The following ARMC6 variants were observed in gnomAD, a reference collection of about 807,000 sequenced individuals.
ARMC6 encodes armadillo repeat-containing protein 6.
Under a neutral mutation model 49.2 loss-of-function variants are expected in ARMC6, and 43 were observed. That is an observed-to-expected ratio of 0.87 (90% CI 0.69 to 1.13). ARMC6 has a LOEUF of 1.13. Among genes scored for constraint, ARMC6 ranks in the 50% most tolerant of loss-of-function variants. The pLI, the probability that ARMC6 is intolerant of heterozygous loss-of-function variation, is 0.00. For missense variants in ARMC6, 627 were observed against 682.0 expected, an observed-to-expected ratio of 0.92 and a Z score of 0.90; for synonymous variants, 262 against 289.6, an observed-to-expected ratio of 0.90 and a Z score of 0.97.
intron 4 of ARMC6, among the ~76,000 whole-genome samples, chr19:19,046,923 A>G (rs970036684): frequency 2.4e-5 from 1 of 42,246 alleles, no homozygotes; most frequent in Non-Finnish European, 4.2e-5. Flanking sequence ...CAACATGCTC[A>G]CCTGTTTTTT....
At chr19:19,057,165 A>C (rs1287182463) in intron 8 of ARMC6, among the ~76,000 whole-genome samples, 1 of 152,224 alleles carries the variant, frequency 6.6e-6, no homozygotes, top group African/African-American at 2.4e-5. Flanking sequence ...TGAGGCTGAG[A>C]GTTCCAAAGC....
rs929261669 is a variant in ARMC6 at position 19,055,990 on chromosome 19, A to G, written c.1293+62A>G. On this transcript the variant is annotated intron_variant, in intron 8 of 8. Coordinates refer to ENST00000535612, the MANE Select transcript of ARMC6 (RefSeq NM_001199196.2). This position sits in a 1 kb window ranked among gnomAD's most constrained non-coding sequence, Gnocchi z 5.7. ...GTGGGATGTGCAGGTAGGTGCAGAG[A>G]GGGCATGGGAGCAGGTGCGGTGTGC... is the stretch of plus-strand genomic sequence containing the variant. The G allele has an allele frequency of 2.6e-6, 4 of 1,541,612 alleles. No homozygotes were observed. The highest frequency in any genetic ancestry group is 3.5e-6 in the Non-Finnish European group (4 of 1,144,378).
chr19:19,042,951 G>A (rs564831221), intron 3 of ARMC6, 74 bp downstream of exon 3: 72 of 1,557,912 alleles, frequency 4.6e-5, no homozygotes, highest in South Asian at 2.8e-4. Context: ...CTGCTGCCCC[G>A]CCCCACTGGG....
At chr19:19,037,727 TA>T (rs992695943) in intron 2 of ARMC6, 2 of 1,121,232 alleles carry the variant, frequency 1.8e-6, no homozygotes, top group Admixed American at 4.6e-5. Context: ...TTGAAACAAT[TA>T]AAATTTAAAA....
intron 8 of ARMC6, 80 bp from the exon 9 acceptor site, chr19:19,057,336 G>T: frequency 8.2e-7 from 1 of 1,220,822 alleles, no homozygotes; most frequent in Non-Finnish European, 1.2e-6. Context: ...CCTCCATCTT[G>T]TTATGATGAA....
intron 2 of ARMC6, among the ~76,000 whole-genome samples, chr19:19,041,069 A>G (rs1365205562): frequency 6.6e-6 from 1 of 152,056 alleles, no homozygotes; most frequent in Admixed American, 6.6e-5. Flanking sequence ...CCTGGCCTCA[A>G]GCCATCTTCC....
In ARMC6 at chr19:19,057,711, C is replaced by T. The variant is rs1365030230; in HGVS notation, c.*83C>T. The T allele has an allele frequency of 7.3e-7, 1 of 1,364,008 alleles. No individual in the cohort carries two copies. Among genetic ancestry groups the T allele is most frequent in the East Asian group, 2.3e-5 (1 of 43,090 alleles). 84.5% of individuals were successfully genotyped at this position (1,364,008 alleles called of 1,614,324 possible). A position where few individuals can be genotyped will look rare whatever the true frequency, so the allele number is the denominator to read the frequency against. ...TAGATCCATGTCCTCCACTGTCCCC[C>T]ATTAGTTCTGTCCCCTTCACAATGA... is the stretch of plus-strand genomic sequence containing the variant. On this transcript the variant is annotated 3_prime_UTR_variant, in exon 9 of 9. Coordinates refer to ENST00000535612, the MANE Select transcript of ARMC6 (RefSeq NM_001199196.2).
In ARMC6 at chr19:19,052,167, C is replaced by T; in HGVS notation, c.825C>T (p.Gly275=). 1 of 1,608,556 alleles carries T rather than the reference C, an allele frequency of 6.2e-7. No individual in the cohort carries two copies. Among genetic ancestry groups the T allele is most frequent in the Non-Finnish European group, 8.5e-7 (1 of 1,177,134 alleles). Residue 275 remains glycine, a synonymous_variant, in exon 5 of 9, where the codon GGC becomes GGT. Coordinates refer to ENST00000535612, the MANE Select transcript of ARMC6 (RefSeq NM_001199196.2). ...AGATGATTGTGCAGGAGAACAAAGGCTTGAAGGTGCTCATCGAAGCCACCA... is the reference window on the plus strand; with the variant it reads ...AGATGATTGTGCAGGAGAACAAAGGTTTGAAGGTGCTCATCGAAGCCACCA... The part of the protein sequence containing the change: ...HAKMIVQENK[G]LKVLIEATKA...
At chr19:19,053,256 G>A (rs915110027) in intron 5 of ARMC6, among the ~76,000 whole-genome samples, 1 of 152,156 alleles carries the variant, frequency 6.6e-6, no homozygotes, top group Non-Finnish European at 1.5e-5. Flanking sequence ...GGGAGGCTGA[G>A]GTAGAAGGAT....
chr19:19,057,676 G>C lies in ARMC6; in HGVS notation c.*48G>C. The C allele has an allele frequency of 6.4e-7, 1 of 1,551,332 alleles. No individual in the cohort carries two copies. Among genetic ancestry groups the C allele is most frequent in the African/African-American group, 1.4e-5 (1 of 73,902 alleles). ...GACTCTGGGTGAGTCGTGTGACTCA[G>C]GAATGGGGGTAGATCCATGTCCTCC... On this transcript the variant is annotated 3_prime_UTR_variant, in exon 9 of 9. Coordinates refer to ENST00000535612, the MANE Select transcript of ARMC6 (RefSeq NM_001199196.2).
chr19:19,052,706 C>G (rs2059509767), intron 5 of ARMC6, among the ~76,000 whole-genome samples: 2 of 152,204 alleles, frequency 1.3e-5, no homozygotes, highest in African/African-American at 4.8e-5. Flanking sequence ...ACCCCTACCC[C>G]CATCCCATCC....
rs2145863956 is a variant in ARMC6, at chr19:19,047,432, A to G, written c.279+3358A>G. Among the ~76,000 whole-genome samples, 6 of 152,324 alleles carry G rather than the reference A, an allele frequency of 3.9e-5. No individual in the cohort carries two copies. In the South Asian group the frequency reaches 1.2e-3, roughly 32 times the overall value. On this transcript the variant is annotated intron_variant, in intron 4 of 8. Coordinates refer to ENST00000535612, the MANE Select transcript of ARMC6 (RefSeq NM_001199196.2). ...GTTTGTGTCATAAGATTTGTTGCAAACAGGCTTGTAGAAACAGAAGGAAAA... is the reference window on the plus strand; with the variant it reads ...GTTTGTGTCATAAGATTTGTTGCAAGCAGGCTTGTAGAAACAGAAGGAAAA...
chr19:19,044,573 C>T (rs370141308), intron 4 of ARMC6, among the ~76,000 whole-genome samples: 13 of 152,196 alleles, frequency 8.5e-5, no homozygotes, highest in Admixed American at 2.6e-4. Flanking sequence ...CTCCAGAGAC[C>T]GAAAGAAGGA....
chr19:19,050,580 A>G (rs1427231876), intron 4 of ARMC6, among the ~76,000 whole-genome samples: 2 of 152,174 alleles, frequency 1.3e-5, no homozygotes, highest in African/African-American at 2.4e-5. Flanking sequence ...TTCATGTATT[A>G]GTGGCCATTT....
chr19:19,053,025 CT>C (rs570033072), intron 5 of ARMC6, among the ~76,000 whole-genome samples: 21 of 152,306 alleles, frequency 1.4e-4, no homozygotes, highest in African/African-American at 4.8e-4. Flanking sequence ...TATGAAGAGA[CT>C]TTTTGGTAAG....
chr19:19,034,023 T>C (rs2059307016), intron 1 of ARMC6, 93 bp downstream of exon 1: 1 of 525,460 alleles, frequency 1.9e-6, no homozygotes, highest in Admixed American at 3.3e-5. Flanking sequence ...GGTACGTGGT[T>C]TGGGGGGAAA....
At chr19:19,054,433 G>T (rs1427025460) in intron 6 of ARMC6, 112 bp downstream of exon 6, 2 of 1,210,982 alleles carry the variant, frequency 1.7e-6, no homozygotes, top group African/African-American at 3.1e-5. Flanking sequence ...CCAAAGTGCA[G>T]TTTTTCTTTT....
rs1261708002 is a variant in ARMC6, at chr19:19,034,199, G to C, written c.-11G>C. 1.3e-6 allele frequency: 2 copies of C among 1,593,482 alleles called. No homozygotes were observed. Among genetic ancestry groups the C allele is most frequent in the South Asian group, 2.2e-5 (2 of 89,882 alleles). ...GGCAGTGGGGACAAGGAGGCTACAG[G>C]GTACAAATAAATGAGTGAACGATGT... On this transcript the variant is annotated 5_prime_UTR_variant, in exon 2 of 9. Coordinates refer to ENST00000535612, the MANE Select transcript of ARMC6 (RefSeq NM_001199196.2).
In ARMC6 at chr19:19,042,827, T is replaced by G. The variant is rs202068552; in HGVS notation, c.146T>G (p.Met49Arg). 3.4e-5 allele frequency: 55 copies of G among 1,613,910 alleles called. No homozygotes were observed. In the Admixed American group the frequency reaches 9.2e-4, roughly 27 times the overall value. The change falls in exon 3 of 9, where the codon ATG becomes AGG. Residue 49 changes from methionine to arginine, a missense_variant. Met to Arg is a moderately conservative substitution (Grantham distance 91). Coordinates refer to ENST00000535612, the MANE Select transcript of ARMC6 (RefSeq NM_001199196.2). ...CGCGAGAACATCGAGGAGTTTGCGA[T>G]GGGGCCAGAGGAGGCAGTGAAAGAG... ...AVRENIEEFA[M>R]GPEEAVKEAV...
Sources: gnomAD v4.1 joint callset for allele counts (sites outside exome capture counted in the v4.1 genomes callset) on GRCh38, gnomAD v4.1.1 for gene constraint, Gnocchi (gnomAD v3.1) non-coding constraint, MANE v1.5 for transcripts, NCBI Gene and HGNC (gene_info 2026-07-23, HGNC 2026-07-21) for gene names.